Variants in UBAP1L observed in about 807,000 individuals in gnomAD.
UBAP1L encodes the protein ubiquitin associated protein 1 like.
Under a neutral mutation model 32.1 loss-of-function variants are expected in UBAP1L, and 32 were observed. The observed-to-expected ratio is 1.00, with a 90% confidence interval of 0.75 to 1.34. UBAP1L has a LOEUF of 1.34. Ranked by LOEUF, UBAP1L falls within the 40% of genes most tolerant of loss-of-function variation. UBAP1L has a pLI of 0.00. For synonymous variants in UBAP1L, 243 were observed against 250.2 expected, an observed-to-expected ratio of 0.97 and a Z score of 0.27; for missense variants, 516 against 540.5, an observed-to-expected ratio of 0.95 and a Z score of 0.45.
At chr15:65,114,606 G>A (rs897365173) in intron 1 of UBAP1L, among the ~76,000 whole-genome samples, 1 of 152,134 alleles carries the variant, frequency 6.6e-6, no homozygotes, top group African/African-American at 2.4e-5. Context: ...ACTCCAGGAG[G>A]TCAGGAATCC....
At chr15:65,108,730 G>T (rs972038432) in intron 1 of UBAP1L, among the ~76,000 whole-genome samples, 1 of 150,068 alleles carries the variant, frequency 6.7e-6, no homozygotes, top group African/African-American at 2.5e-5. Context: ...TCCAGCCTGG[G>T]CAACAAAATG....
chr15:65,106,920 C>T (rs1373822553), intron 1 of UBAP1L, among the ~76,000 whole-genome samples: 1 of 152,164 alleles, frequency 6.6e-6, no homozygotes, highest in South Asian at 2.1e-4. Context: ...GGATTACAGG[C>T]GTGAGCCACT....
chr15:65,092,957 C>T lies in UBAP1L; in HGVS notation c.*140G>A. ...AGCAGATTCTGCTGCTGTTAACTGT[C>T]ACCCTTGGTATTATTTGTGTTTTTA... On this transcript the variant is annotated 3_prime_UTR_variant, in exon 6 of 6. Transcript: ENST00000559089. 8.4e-7 allele frequency: 1 copy of T among 1,191,788 alleles called. No homozygotes were observed. The highest frequency in any genetic ancestry group is 1.1e-6 in the Non-Finnish European group (1 of 881,620). The allele number at this position is 1,191,788 out of a possible 1,614,324, so 73.8% of individuals were successfully genotyped here.
chr15:65,105,013 A>T (rs1373377217), intron 2 of UBAP1L: 1 of 224,862 alleles, frequency 4.4e-6, no homozygotes, highest in South Asian at 4.3e-5. Context: ...CTCAAATGAA[A>T]AAAAAAAAAA....
rs1441348085 is a variant in UBAP1L at position 65,099,655 on chromosome 15, G to A, written c.759C>T (p.Pro253=). ...CCGCAGTATCAGGGTGTGACTTGTG[G>A]GGGTTGAGAGGTTGGGGTGCCCCCC... is the stretch of plus-strand genomic sequence containing the variant. ...PLGGAPQPLN[P]HKSHPDTAAD... is the part of the protein sequence containing the mutation. Residue 253 remains proline (P), a synonymous_variant, in exon 4 of 6, where the codon CCC becomes CCT. Coordinates refer to ENST00000559089, the MANE Select transcript of UBAP1L (RefSeq NM_001163692.2). The A allele has an allele frequency of 5.2e-6, 8 of 1,551,470 alleles. No homozygotes were observed. Among genetic ancestry groups the A allele is most frequent in the Non-Finnish European group, 7.0e-6 (8 of 1,146,950 alleles).
chr15:65,099,597 G>A lies in UBAP1L; in HGVS notation c.817C>T (p.Gln273Ter). Reference sequence around the variant, plus strand: ...GCGACCACTGGCCCAATGAGGTCTTGCTCCTCCTGGCTCAGGGCGGACAGC... The same window carrying A: ...GCGACCACTGGCCCAATGAGGTCTTACTCCTCCTGGCTCAGGGCGGACAGC... ...DLLSALSQEE[Q>*]DLIGPVVALG... Residue 273 changes from glutamine to a stop codon, truncating the protein, a stop_gained, in exon 4 of 6, where the codon CAA becomes TAA. Coordinates refer to ENST00000559089, the MANE Select transcript of UBAP1L (RefSeq NM_001163692.2). LOFTEE classifies it high-confidence loss of function. 2 of 1,551,642 alleles carry A rather than the reference G, an allele frequency of 1.3e-6. No individual in the cohort carries two copies. The highest frequency in any genetic ancestry group is 1.7e-6 in the Non-Finnish European group (2 of 1,147,000).
chr15:65,110,439 AGGCCG>A (rs1483209606), intron 1 of UBAP1L, among the ~76,000 whole-genome samples: 7 of 151,340 alleles, frequency 4.6e-5, no homozygotes, highest in Non-Finnish European at 8.8e-5. Flanking sequence ...GCACTCTGGG[AGGCCG>A]AGGTGGGTGG....
intron 1 of UBAP1L, among the ~76,000 whole-genome samples, chr15:65,109,526 C>T (rs2087354493): frequency 6.9e-6 from 1 of 145,362 alleles, no homozygotes. Context: ...TCAGAATATA[C>T]CATTAAGAGA....
intron 1 of UBAP1L, among the ~76,000 whole-genome samples, chr15:65,114,941 A>C (rs941337787): frequency 2.0e-5 from 3 of 152,224 alleles, no homozygotes; most frequent in African/African-American, 7.2e-5. Flanking sequence ...ATTCACAAAA[A>C]GGTAAAGAGC....
At chr15:65,099,791 C>G in intron 3 of UBAP1L, 77 bp from the exon 4 acceptor site, 1 of 1,232,974 alleles carries the variant, frequency 8.1e-7, no homozygotes, top group Admixed American at 2.2e-5. Context: ...TTTAAAAATG[C>G]CTTTATGTAC....
chr15:65,097,512 C>G (rs902191053), intron 4 of UBAP1L: 1 of 152,296 alleles, frequency 6.6e-6, no homozygotes, highest in African/African-American at 2.4e-5. Context: ...ACCAGCTGGC[C>G]TCAACCCCAG....
In UBAP1L at chr15:65,093,105, C is replaced by T. The variant is rs190050733; in HGVS notation, c.1138G>A (p.Ala380Thr). ...EQALEELVAC[A>T]Q ...GTGGAGTGCCTCCGTGGTCACTGGG[C>T]ACAGGCCACCAGCTCCTCCAGGGCT... Residue 380 changes from alanine (A) to threonine (T), a missense_variant, in exon 6 of 6, where the codon GCC becomes ACC. Transcript: ENST00000559089. 1.0e-4 allele frequency: 160 copies of T among 1,548,506 alleles called. No homozygotes were observed. The Admixed American group carries it at 1.1e-3, about 10-fold the overall frequency.
chr15:65,111,561 G>A (rs573055362), intron 1 of UBAP1L, among the ~76,000 whole-genome samples: 10 of 152,178 alleles, frequency 6.6e-5, no homozygotes, highest in South Asian at 4.1e-4. Context: ...CTAGGCTCAC[G>A]GCAACGTCTG....
chr15:65,102,882 A>T lies in UBAP1L; in HGVS notation c.121-198T>A, dbSNP rs559257271. ...ACTGTGGTCGATGGATACCAATAAC[A>T]GTTTAATGGCAAACTGGCATAAATG... On this transcript the variant is annotated intron_variant, in intron 2 of 5. Coordinates refer to ENST00000559089, the MANE Select transcript of UBAP1L (RefSeq NM_001163692.2). This position sits in a 1 kb window ranked among gnomAD's most constrained non-coding sequence, Gnocchi z 5.0. Among the ~76,000 whole-genome samples the T allele has an allele frequency of 9.2e-5, 14 of 152,346 alleles. No individual in the cohort carries two copies. The highest frequency in any genetic ancestry group is 2.6e-4 in the African/African-American group (11 of 41,592).
Position 65,106,180 on chromosome 15 carries a change from G to A in UBAP1L, c.36C>T (p.Pro12=), listed in dbSNP as rs2087309127. ...GCTCTGTGCCTATCACAAAGCCCTT[G>A]GGCAACTTGAAAGGAACACCATCGA... ...NALDGVPFKL[P]KGFVIGTEPL... is the part of the protein sequence containing the mutation. The change falls in exon 2 of 6, where the codon CCC becomes CCT. Residue 12 remains proline, a synonymous_variant. Transcript: ENST00000559089. The A allele has an allele frequency of 6.5e-7, 1 of 1,549,086 alleles. No homozygotes were observed. Among genetic ancestry groups the A allele is most frequent in the Non-Finnish European group, 8.7e-7 (1 of 1,146,364 alleles).
chr15:65,114,241 T>G (rs1046624382), intron 1 of UBAP1L, among the ~76,000 whole-genome samples: 1 of 151,186 alleles, frequency 6.6e-6, no homozygotes, highest in Non-Finnish European at 1.5e-5. Flanking sequence ...AGCATACACA[T>G]ATGTAAACTG....
intron 4 of UBAP1L, chr15:65,098,331 A>G (rs1353888662): frequency 6.6e-6 from 1 of 152,264 alleles, no homozygotes; most frequent in Non-Finnish European, 1.5e-5. Context: ...CCCTCCTGGA[A>G]TATCACCCCT....
Position 65,099,617 on chromosome 15 carries a change from G to T in UBAP1L, c.797C>A (p.Ser266Tyr). The change falls in exon 4 of 6, where the codon TCC becomes TAC. Residue 266 changes from serine to tyrosine, a missense_variant. Coordinates refer to ENST00000559089, the MANE Select transcript of UBAP1L (RefSeq NM_001163692.2). The part of the protein sequence containing the change: ...SHPDTAADLL[S>Y]ALSQEEQDLI... ...GTCTTGCTCCTCCTGGCTCAGGGCG[G>T]ACAGCAGGTCAGCCGCAGTATCAGG... The T allele has an allele frequency of 6.4e-7, 1 of 1,551,658 alleles. No homozygotes were observed. The highest frequency in any genetic ancestry group is 1.2e-5 in the South Asian group (1 of 84,060).
At chr15:65,111,249 C>A (rs183963930) in intron 1 of UBAP1L, among the ~76,000 whole-genome samples, 2 of 152,304 alleles carry the variant, frequency 1.3e-5, no homozygotes, top group Non-Finnish European at 2.9e-5. Flanking sequence ...ATAGGAGACA[C>A]AGGAAAGTTC....
Sources: allele counts gnomAD v4.1 joint callset (sites outside exome capture counted in the v4.1 genomes callset), GRCh38; gene constraint gnomAD v4.1.1; non-coding constraint Gnocchi (gnomAD v3.1); transcripts MANE v1.5; gene names NCBI Gene and HGNC (gene_info 2026-07-23, HGNC 2026-07-21).